Variants in TEX9 observed in about 807,000 individuals in gnomAD.
The protein encoded by TEX9 is testis expressed 9.
Under a neutral mutation model 59.6 loss-of-function variants are expected in TEX9, and 74 were observed. The ratio of observed to expected loss-of-function variants is 1.24; its 90% CI spans 1.03 to 1.51. TEX9 has a LOEUF of 1.51. TEX9 is among the 40% of genes most tolerant of loss of function. The pLI is 0.00. For missense variants in TEX9, 522 were observed against 447.8 expected (o/e 1.17, Z -1.49); for synonymous variants, 186 against 152.2 (o/e 1.22, Z -1.64).
intron 9 of TEX9, among the ~76,000 whole-genome samples, chr15:56,399,410 G>T (rs2048657507): frequency 6.6e-6 from 1 of 152,222 alleles, no homozygotes; most frequent in African/African-American, 2.4e-5. Flanking sequence ...CTGTGGGAGG[G>T]GCATCTGCCA....
chr15:56,316,884 C>A (rs1224402573), intron 1 of TEX9, among the ~76,000 whole-genome samples: 2 of 152,220 alleles, frequency 1.3e-5, no homozygotes, highest in African/African-American at 4.8e-5. Flanking sequence ...CGGAAAAGCG[C>A]AGTATTCGGG....
chr15:56,324,672 G>A (rs75926216), intron 1 of TEX9, among the ~76,000 whole-genome samples: 5,271 of 152,244 alleles, frequency 0.035, 139 homozygotes, highest in Non-Finnish European at 0.051. Flanking sequence ...TTGGAATGGT[G>A]CTCTATGCTT....
intron 1 of TEX9, among the ~76,000 whole-genome samples, chr15:56,308,333 C>A (rs1301266009): frequency 6.6e-6 from 1 of 152,144 alleles, no homozygotes; most frequent in Non-Finnish European, 1.5e-5. Flanking sequence ...TGGTGTTGAG[C>A]ATCTTTTCAT....
chr15:56,257,023 G>A (rs1283588304), intron 1 of TEX9, among the ~76,000 whole-genome samples: 1 of 151,968 alleles, frequency 6.6e-6, no homozygotes, highest in African/African-American at 2.4e-5. Context: ...CCACTTATAA[G>A]TGAGAACATG....
chr15:56,346,715 T>C (rs1339885090), intron 1 of TEX9, among the ~76,000 whole-genome samples: 1 of 151,462 alleles, frequency 6.6e-6, no homozygotes, highest in African/African-American at 2.4e-5. Context: ...TTCAACATAA[T>C]GTGGAAAGTC....
chr15:56,269,120 T>TA (rs1244421199), intron 1 of TEX9, among the ~76,000 whole-genome samples: 35 of 152,342 alleles, frequency 2.3e-4, no homozygotes, highest in African/African-American at 7.9e-4. Context: ...CAGAGGTGTT[T>TA]ATAGTATTCT....
chr15:56,360,490 G>A (rs2046769991), upstream of TEX9, among the ~76,000 whole-genome samples: 1 of 151,784 alleles, frequency 6.6e-6, no homozygotes, highest in African/African-American at 2.4e-5. Flanking sequence ...TAAATGTTGG[G>A]GTATAGAGTT....
chr15:56,427,770 A>C (rs2050379463), intron 11 of TEX9, 31 bp downstream of exon 11: 3 of 1,407,008 alleles, frequency 2.1e-6, no homozygotes, highest in Non-Finnish European at 2.8e-6. Flanking sequence ...AAATCATCAT[A>C]TTATTTGTAA....
At chr15:56,405,233 C>T (rs4774855) in intron 9 of TEX9, among the ~76,000 whole-genome samples, 45,125 of 150,686 alleles carry the variant, frequency 0.3, 7,654 homozygotes, top group Middle Eastern at 0.47. Flanking sequence ...GGCGTGAAAC[C>T]GGGAGGGAGC....
chr15:56,340,566 C>T (rs2046353413), intron 1 of TEX9, among the ~76,000 whole-genome samples: 1 of 152,124 alleles, frequency 6.6e-6, no homozygotes, highest in Admixed American at 6.6e-5. Context: ...AAGATCCTTG[C>T]CAGGGTGTTA....
chr15:56,248,332 A>C (rs1243038641), intron 1 of TEX9, among the ~76,000 whole-genome samples: 1 of 152,214 alleles, frequency 6.6e-6, no homozygotes, highest in Non-Finnish European at 1.5e-5. Flanking sequence ...CAAATATGTC[A>C]TTATGTCATT....
At chr15:56,342,791 G>C (rs541796754) in intron 1 of TEX9, among the ~76,000 whole-genome samples, 1 of 152,150 alleles carries the variant, frequency 6.6e-6, no homozygotes, top group East Asian at 1.9e-4. Context: ...AGCTCCTGGA[G>C]AGAGAGAAAA....
At chr15:56,248,124 A>G (rs1446636108) in intron 1 of TEX9, among the ~76,000 whole-genome samples, 2 of 152,182 alleles carry the variant, frequency 1.3e-5, no homozygotes, top group African/African-American at 4.8e-5. Flanking sequence ...GCTTTCTTTC[A>G]GTCTTTAATA....
At position 56,331,789 on chromosome 15, in the gene TEX9, C is replaced by T. The variant is rs531541219; in HGVS notation, c.-106-41652C>T. Among the ~76,000 whole-genome samples the T allele has an allele frequency of 4.7e-4, 71 of 151,334 alleles. No individual in the cohort carries two copies. The East Asian group carries it at 0.01, about 22-fold the overall frequency. On this transcript the variant is annotated intron_variant, in intron 1 of 5. Transcript: ENST00000560827. ...AATTTACAAGAAAAAAACAAACAAC[C>T]CCATCAAAAAGTGGGCGAAGGACAT... is the stretch of plus-strand genomic sequence containing the variant.
chr15:56,293,287 T>C (rs1338051263), intron 1 of TEX9, among the ~76,000 whole-genome samples: 2 of 151,886 alleles, frequency 1.3e-5, no homozygotes, highest in Non-Finnish European at 2.9e-5. Context: ...CAGTAAGCCA[T>C]GATTGTGCCA....
At chr15:56,457,644 A>G in the TEX9 span, among the ~76,000 whole-genome samples, 4,762 of 152,150 alleles carry the variant, frequency 0.031, 184 homozygotes, top group East Asian at 0.093. Context: ...CAACATAGAG[A>G]GGTGCTGTCC....
At chr15:56,387,132 C>T (rs1412864380) in intron 4 of TEX9, among the ~76,000 whole-genome samples, 1 of 151,876 alleles carries the variant, frequency 6.6e-6, no homozygotes, top group African/African-American at 2.4e-5. Context: ...TACAAACAGA[C>T]ATTTCATGGA....
intron 1 of TEX9, among the ~76,000 whole-genome samples, chr15:56,309,625 G>C (rs1392019979): frequency 7.0e-6 from 1 of 142,232 alleles, no homozygotes. Context: ...AGAAAGATTG[G>C]TGTTAATTCT....
At chr15:56,451,557 G>C in the TEX9 span, among the ~76,000 whole-genome samples, 1 of 152,092 alleles carries the variant, frequency 6.6e-6, no homozygotes, top group Non-Finnish European at 1.5e-5. Flanking sequence ...CTGCTATTTT[G>C]CTAATATCAG....
Sources: allele counts gnomAD v4.1 joint callset (sites outside exome capture counted in the v4.1 genomes callset), GRCh38; gene constraint gnomAD v4.1.1; transcripts MANE v1.5; gene names NCBI Gene and HGNC (gene_info 2026-07-23, HGNC 2026-07-21).